The following GRIN2A variants were observed in gnomAD, a reference collection of about 807,000 sequenced individuals.
GRIN2A encodes the protein glutamate ionotropic receptor NMDA type subunit 2A.
A neutral mutation model predicts 113.4 loss-of-function variants in GRIN2A; 22 were observed. The ratio of observed to expected loss-of-function variants is 0.19; its 90% CI spans 0.14 to 0.28. The LOEUF is 0.28. Ranked by LOEUF, GRIN2A falls within the 10% of genes least tolerant of loss-of-function variation. The probability of loss-of-function intolerance (pLI) is 1.00; values close to 1 mark genes in which losing one functional copy is unlikely to be tolerated. For synonymous variants in GRIN2A, 827 were observed against 738.4 expected (o/e 1.12, Z -1.94); for missense variants, 1,502 against 1,887.0 (o/e 0.80, Z 3.78).
At chr16:10,100,837 G>C (rs1052858944) in intron 2 of GRIN2A, among the ~76,000 whole-genome samples, 1 of 152,208 alleles carries the variant, frequency 6.6e-6, no homozygotes, top group Non-Finnish European at 1.5e-5. Flanking sequence ...CACTCAGCCA[G>C]GCTCCCTAAC....
intron 2 of GRIN2A, among the ~76,000 whole-genome samples, chr16:10,119,730 C>T (rs1356855437): frequency 1.3e-5 from 2 of 152,170 alleles, no homozygotes; most frequent in African/African-American, 2.4e-5. Context: ...CCTCTCCCTC[C>T]TCCCACCCTC....
intron 11 of GRIN2A, among the ~76,000 whole-genome samples, chr16:9,793,610 C>A (rs146820811): frequency 2.0e-5 from 3 of 152,014 alleles, no homozygotes; most frequent in Non-Finnish European, 2.9e-5. Context: ...TTCTGTGAAC[C>A]CTGGCCCATT....
At position 9,844,782 on chromosome 16, in the gene GRIN2A, G is replaced by T. The variant is rs562160836; in HGVS notation, c.1329-3678C>A. 1.8e-4 allele frequency among the ~76,000 whole-genome samples: 28 copies of T among 152,196 alleles called. No individual in the cohort carries two copies. The Middle Eastern group carries it at 0.014, about 74-fold the overall frequency. The stretch of plus-strand genomic sequence containing the variant: ...CTTCCCACCAATGATTTGACAGTTT[G>T]GGAGCTTAATTGACAGCATGGCCAT... On this transcript the variant is annotated intron_variant, in intron 5 of 12. Transcript: ENST00000330684.
chr16:9,756,477 A>G lies in GRIN2A; in HGVS notation c.*6672T>C. The G allele has an allele frequency of 4.4e-6, 1 of 226,674 alleles. No homozygotes were observed. The highest frequency in any genetic ancestry group is 6.3e-5 in the East Asian group (1 of 15,886). 14.0% of individuals were successfully genotyped at this position (226,674 alleles called of 1,614,324 possible). A position where few individuals can be genotyped will look rare whatever the true frequency, so the allele number is the denominator to read the frequency against. Reference sequence around the variant, plus strand: ...CAAGGGTATATGCCCAGGAACCTCAAAAGAGCACACCTCTCTTTCTGACTT... The same window carrying G: ...CAAGGGTATATGCCCAGGAACCTCAGAAGAGCACACCTCTCTTTCTGACTT... On this transcript the variant is annotated 3_prime_UTR_variant, in exon 13 of 13. Coordinates refer to ENST00000330684, the MANE Select transcript of GRIN2A (RefSeq NM_001134407.3).
chr16:10,164,187 C>T (rs752255968), intron 2 of GRIN2A, among the ~76,000 whole-genome samples: 2 of 152,208 alleles, frequency 1.3e-5, no homozygotes, highest in African/African-American at 4.8e-5. Context: ...TTACTCACAA[C>T]CTTTGTCAAT....
intron 2 of GRIN2A, among the ~76,000 whole-genome samples, chr16:9,956,683 A>G (rs1018866631): frequency 3.3e-5 from 5 of 152,248 alleles, no homozygotes; most frequent in African/African-American, 1.2e-4. Flanking sequence ...ACACACGTGT[A>G]AAATTGCCAT....
rs574478203 is a variant in GRIN2A at position 9,998,940 on chromosome 16, G to A, written c.415-60389C>T. Among the ~76,000 whole-genome samples the A allele has an allele frequency of 1.6e-4, 25 of 152,262 alleles. 1 individual carries two copies. The South Asian group carries it at 2.1e-3, about 13-fold the overall frequency. ...AGGGACATAAACATCCTAGGGGTGC[G>A]GGTAGGGGGTGTGGAATATACAAAG... On this transcript the variant is annotated intron_variant, in intron 2 of 12. Coordinates refer to ENST00000330684, the MANE Select transcript of GRIN2A (RefSeq NM_001134407.3).
chr16:10,072,327 C>T (rs771184582), intron 2 of GRIN2A, among the ~76,000 whole-genome samples: 3 of 152,198 alleles, frequency 2.0e-5, no homozygotes, highest in Non-Finnish European at 2.9e-5. Context: ...AAGAGTGAAG[C>T]ATCAACTTCC....
At chr16:9,994,402 C>T (rs576489077) in intron 2 of GRIN2A, among the ~76,000 whole-genome samples, 6 of 152,226 alleles carry the variant, frequency 3.9e-5, no homozygotes, top group South Asian at 2.1e-4. Flanking sequence ...GAGCCCTCCT[C>T]GTCCCCAGGT....
chr16:10,154,449 A>G (rs1232437099), intron 2 of GRIN2A, among the ~76,000 whole-genome samples: 1 of 152,132 alleles, frequency 6.6e-6, no homozygotes, highest in Non-Finnish European at 1.5e-5. Context: ...CTAACATTAT[A>G]TATTTACCGT....
intron 4 of GRIN2A, among the ~76,000 whole-genome samples, chr16:9,876,076 G>C (rs572466835): frequency 7.8e-4 from 118 of 152,154 alleles, no homozygotes; most frequent in African/African-American, 2.8e-3. Context: ...GGAACACCAA[G>C]CTCTGTGCCA....
chr16:10,122,534 C>T (rs1442594078), intron 2 of GRIN2A, among the ~76,000 whole-genome samples: 1 of 152,006 alleles, frequency 6.6e-6, no homozygotes, highest in East Asian at 1.9e-4. Context: ...CAGATCTCTC[C>T]CAGAAAGTTT....
At chr16:9,801,788 GC>G (rs1903378350) in intron 10 of GRIN2A, among the ~76,000 whole-genome samples, 2 of 152,132 alleles carry the variant, frequency 1.3e-5, no homozygotes. Flanking sequence ...GAGGGGTCTG[GC>G]CATGGAGGCA....
intron 2 of GRIN2A, among the ~76,000 whole-genome samples, chr16:9,973,784 G>T (rs192576864): frequency 1.3e-5 from 2 of 151,994 alleles, no homozygotes; most frequent in East Asian, 3.9e-4. Context: ...ATAAGTGCTG[G>T]GGGGAAAAAA....
intron 8 of GRIN2A, among the ~76,000 whole-genome samples, chr16:9,831,726 G>A (rs981993465): frequency 6.6e-6 from 1 of 151,890 alleles, no homozygotes; most frequent in Non-Finnish European, 1.5e-5. Context: ...ATATTGGCCA[G>A]GCTGGTCTCA....
chr16:9,773,013 C>G (rs1016912898), intron 11 of GRIN2A, among the ~76,000 whole-genome samples: 5 of 151,432 alleles, frequency 3.3e-5, no homozygotes, highest in African/African-American at 1.2e-4. Flanking sequence ...CATTTCCTGC[C>G]TCGTGGCCCT....
chr16:9,786,205 C>A (rs148115689), intron 11 of GRIN2A, among the ~76,000 whole-genome samples: 4 of 152,294 alleles, frequency 2.6e-5, no homozygotes, highest in African/African-American at 9.6e-5. Context: ...TTCCAGCAAC[C>A]AAGACAGGTC....
intron 2 of GRIN2A, among the ~76,000 whole-genome samples, chr16:10,007,267 C>G (rs1452971255): frequency 4.6e-5 from 7 of 152,214 alleles, no homozygotes; most frequent in Non-Finnish European, 1.0e-4. Flanking sequence ...CAGGGTTCCC[C>G]TTCCTCCACA....
intron 2 of GRIN2A, among the ~76,000 whole-genome samples, chr16:10,148,650 C>T (rs560671173): frequency 2.6e-5 from 4 of 152,132 alleles, no homozygotes; most frequent in South Asian, 2.1e-4. Context: ...CCATCCAGCA[C>T]GTTAACTATA....
Sources: gnomAD v4.1 joint callset for allele counts (sites outside exome capture counted in the v4.1 genomes callset) on GRCh38, gnomAD v4.1.1 for gene constraint, MANE v1.5 for transcripts, NCBI Gene and HGNC (gene_info 2026-07-23, HGNC 2026-07-21) for gene names.